The following CABLES1 variants were observed in gnomAD, a reference collection of about 807,000 sequenced individuals.
The protein encoded by CABLES1 is CDK5 and ABL1 enzyme substrate 1.
A neutral mutation model predicts 57.8 loss-of-function variants in CABLES1; 36 were observed. The observed-to-expected ratio is 0.62, with a 90% CI of 0.48 to 0.82. The LOEUF (loss-of-function observed/expected upper bound fraction) is 0.82. Ranked by LOEUF, CABLES1 falls within the 40% of genes least tolerant of loss-of-function variation. CABLES1 has a pLI of 0.00. For missense variants in CABLES1, 767 were observed against 836.6 expected (o/e 0.92, Z 1.03); for synonymous variants, 374 against 363.0 (o/e 1.03, Z -0.35).
At chr18:23,248,818 T>G (rs748473897) in intron 7 of CABLES1, among the ~76,000 whole-genome samples, 15 of 152,074 alleles carry the variant, frequency 9.9e-5, no homozygotes, top group Admixed American at 2.6e-4. Context: ...AGAGCGAAAC[T>G]CCATCTCAAC....
intron 1 of CABLES1, among the ~76,000 whole-genome samples, chr18:23,188,013 A>G (rs560040389): frequency 1.4e-4 from 22 of 152,346 alleles, no homozygotes; most frequent in Admixed American, 2.6e-4. Context: ...TTAAGGAACA[A>G]CCCAAACTTT....
At chr18:23,246,511 C>A (rs1187898757) in intron 7 of CABLES1, among the ~76,000 whole-genome samples, 2 of 152,088 alleles carry the variant, frequency 1.3e-5, no homozygotes, top group East Asian at 3.9e-4. Context: ...CCTGCGTCAG[C>A]CTCCCAAGTA....
At position 23,259,559 on chromosome 18, in the gene CABLES1, GT is replaced by G. The variant is rs1395162399; in HGVS notation, c.*2196del. The G allele has an allele frequency of 7.2e-5, 11 of 152,252 alleles. No homozygotes were observed. The highest frequency in any genetic ancestry group is 2.2e-4 in the African/African-American group (9 of 41,466). The allele number at this position is 152,252 out of a possible 1,614,324, so 9.4% of individuals were successfully genotyped here. A position where few individuals can be genotyped will look rare whatever the true frequency, so the allele number is the denominator to read the frequency against. On this transcript the variant is annotated 3_prime_UTR_variant, in exon 10 of 10. Coordinates refer to ENST00000256925, the MANE Select transcript of CABLES1 (RefSeq NM_001100619.3). The stretch of plus-strand genomic sequence containing the variant: ...GGCCTGTGGATTTGTGGAATGGACA[GT>G]TTTGTGGGTTTTAATTTATTTGTGA...
chr18:23,152,486 A>ATTTT (rs67308509), intron 1 of CABLES1, among the ~76,000 whole-genome samples: 5 of 134,852 alleles, frequency 3.7e-5, no homozygotes, highest in East Asian at 2.1e-4. Context: ...GTTTGGTCTA[A>ATTTT]TTTTTTTTTT....
intron 2 of CABLES1, among the ~76,000 whole-genome samples, chr18:23,191,875 C>A (rs1354848623): frequency 8.2e-6 from 1 of 121,304 alleles, no homozygotes; most frequent in African/African-American, 3.2e-5. Context: ...TAAAGCATTT[C>A]TTAGATTCCC....
intron 2 of CABLES1, among the ~76,000 whole-genome samples, chr18:23,190,872 C>T (rs2047237595): frequency 6.6e-6 from 1 of 151,902 alleles, no homozygotes; most frequent in African/African-American, 2.4e-5. Flanking sequence ...TCTAGGAGTT[C>T]AAGACCAGCC....
chr18:23,253,623 C>A, intron 8 of CABLES1, 106 bp from the exon 9 acceptor site: 1 of 940,626 alleles, frequency 1.1e-6, no homozygotes, highest in Non-Finnish European at 1.6e-6. Context: ...CCAGATCACC[C>A]TCTGGGAAAG....
At chr18:23,193,345 C>T (rs2047259235) in intron 2 of CABLES1, among the ~76,000 whole-genome samples, 1 of 152,168 alleles carries the variant, frequency 6.6e-6, no homozygotes, top group African/African-American at 2.4e-5. Context: ...GCACCTGCCA[C>T]CGCGCCAGGC....
At chr18:23,168,128 A>C (rs2047056723) in intron 1 of CABLES1, among the ~76,000 whole-genome samples, 1 of 152,154 alleles carries the variant, frequency 6.6e-6, no homozygotes, top group South Asian at 2.1e-4. Flanking sequence ...GCCCTTTCAG[A>C]GTAGGGAAAA....
intron 4 of CABLES1, among the ~76,000 whole-genome samples, chr18:23,222,788 T>C (rs1355807764): frequency 1.1e-4 from 17 of 152,108 alleles, no homozygotes; most frequent in Admixed American, 1.1e-3. Flanking sequence ...CAGAAGGTGC[T>C]AACACGGATG....
intron 3 of CABLES1, among the ~76,000 whole-genome samples, chr18:23,211,605 C>T (rs563527073): frequency 2.6e-4 from 39 of 152,308 alleles, no homozygotes; most frequent in Non-Finnish European, 4.4e-4. Context: ...CCAAAAAGTC[C>T]GTGGGTACCC....
chr18:23,167,276 T>C (rs991954561), intron 1 of CABLES1, among the ~76,000 whole-genome samples: 1 of 152,152 alleles, frequency 6.6e-6, no homozygotes, highest in South Asian at 2.1e-4. Flanking sequence ...TTTTTCCTCA[T>C]GTGGCTGGAG....
intron 7 of CABLES1, among the ~76,000 whole-genome samples, chr18:23,252,720 A>G (rs567759002): frequency 1.3e-5 from 2 of 152,304 alleles, no homozygotes; most frequent in African/African-American, 4.8e-5. Context: ...CTGATGGTCT[A>G]CAGGCCGGCT....
chr18:23,175,393 C>T (rs2047115916), intron 1 of CABLES1, among the ~76,000 whole-genome samples: 1 of 152,234 alleles, frequency 6.6e-6, no homozygotes, highest in African/African-American at 2.4e-5. Context: ...TCCTGGCTTT[C>T]ATTTTTGACC....
chr18:23,175,017 T>C (rs915601968), intron 1 of CABLES1, among the ~76,000 whole-genome samples: 1 of 151,874 alleles, frequency 6.6e-6, no homozygotes, highest in African/African-American at 2.4e-5. Flanking sequence ...CCACATCCGT[T>C]AAATTGAATT....
At chr18:23,140,511 A>G (rs576184970) in intron 1 of CABLES1, among the ~76,000 whole-genome samples, 19 of 147,714 alleles carry the variant, frequency 1.3e-4, no homozygotes, top group Non-Finnish European at 3.0e-5. Flanking sequence ...ATCGCGGCTC[A>G]CGGCAACCTC....
intron 1 of CABLES1, among the ~76,000 whole-genome samples, chr18:23,181,833 G>C (rs2047169057): frequency 6.6e-6 from 1 of 152,222 alleles, no homozygotes; most frequent in African/African-American, 2.4e-5. Context: ...AAGCTTTTGG[G>C]TGTCTTGTGA....
At chr18:23,142,884 T>C (rs1429383053) in intron 1 of CABLES1, among the ~76,000 whole-genome samples, 2 of 152,150 alleles carry the variant, frequency 1.3e-5, no homozygotes, top group Non-Finnish European at 2.9e-5. Context: ...TATTTTTATT[T>C]AACAAATATG....
intron 1 of CABLES1, among the ~76,000 whole-genome samples, chr18:23,169,792 T>C (rs1180680903): frequency 1.3e-5 from 2 of 152,190 alleles, no homozygotes; most frequent in Non-Finnish European, 2.9e-5. Flanking sequence ...TGAAAGGCTG[T>C]GGGATAGGTG....
Sources: gnomAD v4.1 joint callset for allele counts (sites outside exome capture counted in the v4.1 genomes callset) on GRCh38, gnomAD v4.1.1 for gene constraint, MANE v1.5 for transcripts, NCBI Gene and HGNC (gene_info 2026-07-23, HGNC 2026-07-21) for gene names.